The following CTDSP2 variants were observed in gnomAD, a reference collection of about 807,000 sequenced individuals.
The protein encoded by CTDSP2 is CTD small phosphatase 2.
A neutral mutation model predicts 31.6 loss-of-function variants in CTDSP2; 9 were observed. That is an observed-to-expected ratio of 0.28 (90% CI 0.17 to 0.50). CTDSP2 has a LOEUF of 0.50. Ranked by LOEUF, CTDSP2 falls within the 20% of genes least tolerant of loss-of-function variation. The pLI, the probability that CTDSP2 is intolerant of heterozygous loss-of-function variation, is 0.98. For synonymous variants in CTDSP2, 134 were observed against 134.5 expected (o/e 1.00, Z 0.03); for missense variants, 267 against 348.5 (o/e 0.77, Z 1.86).
In CTDSP2 at chr12:57,846,426, C is replaced by T. The variant is rs760623765; in HGVS notation, c.10G>A (p.Gly4Ser). MEH[G>S]SIITQARRED... ...CTCCGCGCCTGGGTGATGATGGAGC[C>T]GTGTTCCATCTAACAATCCCGCGGG... is the stretch of plus-strand genomic sequence containing the variant. The change falls in exon 1 of 8, where the codon GGC becomes AGC. Residue 4 changes from glycine (G) to serine (S), a missense_variant. Gly to Ser is a moderately conservative substitution (Grantham distance 56, BLOSUM62 0). Coordinates refer to ENST00000398073, the MANE Select transcript of CTDSP2 (RefSeq NM_005730.4). 4 of 1,602,806 alleles carry T rather than the reference C, an allele frequency of 2.5e-6. No individual in the cohort carries two copies. The highest frequency in any genetic ancestry group is 1.1e-5 in the South Asian group (1 of 88,872).
At chr12:57,826,310 C>T (rs767812649) in intron 5 of CTDSP2, 36 bp downstream of exon 5, 18 of 1,604,436 alleles carry the variant, frequency 1.1e-5, no homozygotes, top group Non-Finnish European at 1.5e-5. Context: ...AGACCCCCCA[C>T]CCTCTGGGCT....
intron 5 of CTDSP2, chr12:57,824,650 A>G: frequency 1.8e-6 from 1 of 556,130 alleles, no homozygotes; most frequent in South Asian, 1.4e-5. Context: ...GGCCTCACAG[A>G]TGGAAACAGC....
At chr12:57,846,222 G>C in intron 1 of CTDSP2, 150 bp downstream of exon 1, 1 of 668,742 alleles carries the variant, frequency 1.5e-6, no homozygotes, top group Non-Finnish European at 2.4e-6. Context: ...AGTGCCAGCC[G>C]GGATGCGGGG....
At chr12:57,831,655 T>A (rs1956216593) in intron 1 of CTDSP2, among the ~76,000 whole-genome samples, 1 of 152,094 alleles carries the variant, frequency 6.6e-6, no homozygotes, top group South Asian at 2.1e-4. Context: ...ATGGGCCCAA[T>A]GATTAAACCC....
At chr12:57,824,150 G>C (rs1425467003) in intron 6 of CTDSP2, 61 bp from the exon 7 acceptor site, 10 of 1,610,142 alleles carry the variant, frequency 6.2e-6, no homozygotes, top group Non-Finnish European at 8.5e-6. Context: ...ATAACCCTAG[G>C]GACCAAAAGG....
intron 1 of CTDSP2, among the ~76,000 whole-genome samples, chr12:57,832,388 T>C (rs1956221115): frequency 6.6e-6 from 1 of 152,056 alleles, no homozygotes; most frequent in African/African-American, 2.4e-5. Context: ...AGCCCAGCAC[T>C]CAAAGAGTCC....
intron 1 of CTDSP2, chr12:57,845,517 G>A (rs973910497): frequency 6.6e-6 from 1 of 152,204 alleles, no homozygotes; most frequent in Non-Finnish European, 1.5e-5. Flanking sequence ...GCTGCCCACA[G>A]AGAACTCGCA....
rs1269401050 is a variant in CTDSP2, at chr12:57,822,479, G to A, written c.*1123C>T. ...AAAAGCAACAGCCAGGAAGGATGAA[G>A]GCTGGAACAGACAGAGCTCGGTACA... is the stretch of plus-strand genomic sequence containing the variant. On this transcript the variant is annotated 3_prime_UTR_variant, in exon 8 of 8. Coordinates refer to ENST00000398073, the MANE Select transcript of CTDSP2 (RefSeq NM_005730.4). The A allele has an allele frequency of 2.6e-5, 4 of 152,482 alleles. No homozygotes were observed. The highest frequency in any genetic ancestry group is 9.6e-5 in the African/African-American group (4 of 41,578). 9.4% of individuals were successfully genotyped at this position (152,482 alleles called of 1,614,324 possible).
intron 1 of CTDSP2, among the ~76,000 whole-genome samples, chr12:57,830,334 A>G (rs981567990): frequency 4.6e-5 from 7 of 152,234 alleles, no homozygotes; most frequent in Middle Eastern, 3.4e-3. Context: ...GCAGTGAGCC[A>G]AGATCGCGCC....
rs1956143441 is a variant in CTDSP2 at position 57,821,270 on chromosome 12, AG to A, written c.*2331del. ...GGGGGGGAGTTGCAGGTGGGCAGGCAGGGTTCTGATGGGAGTGAGGCCTAAA... is the reference window on the plus strand; with the variant it reads ...GGGGGGGAGTTGCAGGTGGGCAGGCAGGTTCTGATGGGAGTGAGGCCTAAA... On this transcript the variant is annotated 3_prime_UTR_variant, in exon 8 of 8. Coordinates refer to ENST00000398073, the MANE Select transcript of CTDSP2 (RefSeq NM_005730.4). 6.6e-6 allele frequency: 1 copy of A among 152,264 alleles called. No homozygotes were observed. Among genetic ancestry groups the A allele is most frequent in the Non-Finnish European group, 1.5e-5 (1 of 68,128 alleles). 9.4% of individuals were successfully genotyped at this position (152,264 alleles called of 1,614,324 possible). A position where few individuals can be genotyped will look rare whatever the true frequency, so the allele number is the denominator to read the frequency against.
At chr12:57,839,960 C>G (rs902399094) in intron 1 of CTDSP2, among the ~76,000 whole-genome samples, 9 of 152,000 alleles carry the variant, frequency 5.9e-5, no homozygotes, top group African/African-American at 2.2e-4. Context: ...GTAACCATTA[C>G]TGGGTAAACA....
rs191901640 is a variant in CTDSP2 at position 57,841,384 on chromosome 12, C to G, written c.64+4988G>C. 4.0e-3 allele frequency among the ~76,000 whole-genome samples: 606 copies of G among 152,340 alleles called. 17 individuals are homozygous for G. The South Asian group carries it at 0.072, about 18-fold the overall frequency. On this transcript the variant is annotated intron_variant, in intron 1 of 7. Coordinates refer to ENST00000398073, the MANE Select transcript of CTDSP2 (RefSeq NM_005730.4). ...AATTACCTAAAAGAAACCTCAATCTCTCTGAATTCATTAACTCTCAAAGCA... is the reference window on the plus strand; with the variant it reads ...AATTACCTAAAAGAAACCTCAATCTGTCTGAATTCATTAACTCTCAAAGCA...
At chr12:57,836,850 C>CAACCTCTGATTGTTAA (rs932850660) in intron 1 of CTDSP2, among the ~76,000 whole-genome samples, 11 of 152,196 alleles carry the variant, frequency 7.2e-5, no homozygotes, top group South Asian at 4.1e-4. Flanking sequence ...ACCTCTGAGA[C>CAACCTCTGATTGTTAA]AATCAGATTT....
chr12:57,824,959 G>T (rs972725655), intron 5 of CTDSP2, among the ~76,000 whole-genome samples: 1 of 152,158 alleles, frequency 6.6e-6, no homozygotes, highest in African/African-American at 2.4e-5. Context: ...TTGCTTCCAT[G>T]ACTCTAGCCT....
rs1321433290 is a variant in CTDSP2 at position 57,821,028 on chromosome 12, C to CTG, written c.*2572_*2573dup. The CTG allele has an allele frequency of 6.6e-6, 1 of 152,180 alleles. No homozygotes were observed. Among genetic ancestry groups the CTG allele is most frequent in the Non-Finnish European group, 1.5e-5 (1 of 68,040 alleles). The allele number at this position is 152,180 out of a possible 1,614,324, so 9.4% of individuals were successfully genotyped here. A position where few individuals can be genotyped will look rare whatever the true frequency, so the allele number is the denominator to read the frequency against. ...ATGGTGGGAAGCCCTAGAAGAGAGTCTGGGATGAAGCGGCCTCCTCCCTGT... is the reference window on the plus strand; with the variant it reads ...ATGGTGGGAAGCCCTAGAAGAGAGTCTGTGGGATGAAGCGGCCTCCTCCCTGT... On this transcript the variant is annotated 3_prime_UTR_variant, in exon 8 of 8. Coordinates refer to ENST00000398073, the MANE Select transcript of CTDSP2 (RefSeq NM_005730.4).
Position 57,838,679 on chromosome 12 carries a change from C to T in CTDSP2, c.64+7693G>A, listed in dbSNP as rs541355639. The stretch of plus-strand genomic sequence containing the variant: ...ACAAAGCAAGGGTATCTGTTCTGAC[C>T]AGGGAAAAATACAGTGGTGACACAA... On this transcript the variant is annotated intron_variant, in intron 1 of 7. Coordinates refer to ENST00000398073, the MANE Select transcript of CTDSP2 (RefSeq NM_005730.4). Among the ~76,000 whole-genome samples the T allele has an allele frequency of 2.6e-5, 4 of 152,296 alleles. No homozygotes were observed. The East Asian group carries it at 7.7e-4, about 29-fold the overall frequency.
At position 57,823,527 on chromosome 12, in the gene CTDSP2, C is replaced by G; in HGVS notation, c.*75G>C. On this transcript the variant is annotated 3_prime_UTR_variant, in exon 8 of 8. Coordinates refer to ENST00000398073, the MANE Select transcript of CTDSP2 (RefSeq NM_005730.4). ...GTGGTGAGGCACTCCAGCTTCTACT[C>G]TGTCACGCTGATCGTAAAGGCACAG... 1 of 1,555,482 alleles carries G rather than the reference C, an allele frequency of 6.4e-7. No homozygotes were observed. The highest frequency in any genetic ancestry group is 1.2e-5 in the South Asian group (1 of 86,890).
intron 1 of CTDSP2, among the ~76,000 whole-genome samples, chr12:57,831,562 A>G (rs965683018): frequency 3.3e-5 from 5 of 152,324 alleles, no homozygotes; most frequent in East Asian, 3.9e-4. Flanking sequence ...AGGAGGTGGC[A>G]CTGCACAACC....
At position 57,846,476 on chromosome 12, in the gene CTDSP2, G is replaced by T. The variant is rs537169993; in HGVS notation, c.-41C>A. On this transcript the variant is annotated 5_prime_UTR_variant, in exon 1 of 8. Transcript: ENST00000398073. ...GCCCGGGCTGGCTGGGCGGGAGGACGGGCGGGCGCGCGGGCTGGGCTGGGC... is the reference window on the plus strand; with the variant it reads ...GCCCGGGCTGGCTGGGCGGGAGGACTGGCGGGCGCGCGGGCTGGGCTGGGC... 4 of 1,526,474 alleles carry T rather than the reference G, an allele frequency of 2.6e-6. No individual in the cohort carries two copies. Among genetic ancestry groups the T allele is most frequent in the Admixed American group, 4.1e-5 (2 of 49,254 alleles). 94.6% of individuals were successfully genotyped at this position (1,526,474 alleles called of 1,614,324 possible).
Sources: allele counts gnomAD v4.1 joint callset (sites outside exome capture counted in the v4.1 genomes callset), GRCh38; gene constraint gnomAD v4.1.1; transcripts MANE v1.5; gene names NCBI Gene and HGNC (gene_info 2026-07-23, HGNC 2026-07-21).